Variants in TUT7 observed in about 807,000 individuals in gnomAD.
The protein encoded by TUT7 is terminal uridylyltransferase 7.
TUT7 carries 33 observed loss-of-function variants against 165.9 expected under a neutral mutation model. The ratio of observed to expected loss-of-function variants is 0.20; its 90% CI spans 0.15 to 0.27. The LOEUF (loss-of-function observed/expected upper bound fraction) is 0.27, where lower values mean the gene tolerates loss of function less well. Ranked by LOEUF, TUT7 falls within the 10% of genes least tolerant of loss-of-function variation. The pLI is 1.00. For synonymous variants in TUT7, 552 were observed against 608.1 expected (o/e 0.91, Z 1.36); for missense variants, 1,338 against 1,762.3 (o/e 0.76, Z 4.31).
chr9:86,344,252 T>C (rs1466562638), intron 5 of TUT7, among the ~76,000 whole-genome samples: 3 of 152,144 alleles, frequency 2.0e-5, no homozygotes, highest in Non-Finnish European at 2.9e-5. Context: ...ACAGCAAGAA[T>C]TGAGAATGAT....
At chr9:86,319,547 C>T (rs1309322878) in intron 15 of TUT7, 37 bp downstream of exon 15, 4 of 1,399,560 alleles carry the variant, frequency 2.9e-6, no homozygotes, top group African/African-American at 1.5e-5. Context: ...AAAAAGGTTA[C>T]ACTACTTTTC....
intron 17 of TUT7, among the ~76,000 whole-genome samples, chr9:86,312,240 G>A (rs528249600): frequency 4.8e-4 from 70 of 145,164 alleles, no homozygotes; most frequent in African/African-American, 1.6e-3. Flanking sequence ...GCCACCCATC[G>A]TCTGAGATGT....
At chr9:86,337,645 C>T (rs768707090) in intron 9 of TUT7, 107 bp from the exon 10 acceptor site, 14 of 1,310,388 alleles carry the variant, frequency 1.1e-5, no homozygotes, top group Non-Finnish European at 1.4e-5. Flanking sequence ...ACATGATTTA[C>T]GGTAATTCTT....
At position 86,309,992 on chromosome 9, in the gene TUT7, G is replaced by A; in HGVS notation, c.3404C>T (p.Ser1135Phe). Residue 1135 changes from serine to phenylalanine, a missense_variant, in exon 19 of 27, where the codon TCT (serine) becomes TTT (phenylalanine). By Grantham distance (155) the Ser-to-Phe change is radical. Around this residue, in one of 7 missense-constraint regions of TUT7, gnomAD observed 157 missense variants for 357.5 expected, o/e 0.44. Coordinates refer to ENST00000375963, the MANE Select transcript of TUT7 (RefSeq NM_024617.4). ...TCTGGGATCAATGGCGGAATAAGCA[G>A]ATAAAAGCCTTGTGTTATGAAGGGC... The part of the protein sequence containing the change: ...TLALHNTRLL[S>F]AYSAIDPRVK... 1 of 1,613,220 alleles carries A rather than the reference G, an allele frequency of 6.2e-7. No homozygotes were observed. The highest frequency in any genetic ancestry group is 8.5e-7 in the Non-Finnish European group (1 of 1,179,586).
chr9:86,338,247 T>C (rs1263302507), intron 9 of TUT7, among the ~76,000 whole-genome samples: 1 of 150,494 alleles, frequency 6.6e-6, no homozygotes, highest in Non-Finnish European at 1.5e-5. Context: ...AGTCTTGCTC[T>C]GTCACCCAGG....
At chr9:86,347,719 C>T (rs1022553985) in intron 2 of TUT7, among the ~76,000 whole-genome samples, 14 of 152,004 alleles carry the variant, frequency 9.2e-5, no homozygotes, top group African/African-American at 3.4e-4. Flanking sequence ...TTTAAAAAAT[C>T]AATCAAAATA....
intron 26 of TUT7, among the ~76,000 whole-genome samples, chr9:86,292,714 C>T (rs1440322580): frequency 6.6e-6 from 1 of 151,572 alleles, no homozygotes; most frequent in African/African-American, 2.4e-5. Flanking sequence ...TTCGAGGTTG[C>T]AGTGAGCTAT....
At chr9:86,348,699 TC>T (rs1484012395) in intron 2 of TUT7, among the ~76,000 whole-genome samples, 1 of 151,760 alleles carries the variant, frequency 6.6e-6, no homozygotes, top group Non-Finnish European at 1.5e-5. Flanking sequence ...CTGTGGTGAG[TC>T]ATGATTGCGC....
intron 15 of TUT7, among the ~76,000 whole-genome samples, 172 bp downstream of exon 15, chr9:86,319,412 C>A (rs1035686756): frequency 1.3e-5 from 2 of 152,268 alleles, no homozygotes; most frequent in Middle Eastern, 3.4e-3. Context: ...CTAGAATAAA[C>A]CCTACACTGT....
chr9:86,328,344 C>A lies in TUT7; in HGVS notation c.1604G>T (p.Gly535Val). The part of the protein sequence containing the change: ...EAPRETPIKR[G>V]QVSLILDVKH... ...TAGAAACAAAAGAGAACAGACCTGT[C>A]CCCTTTTAATCGGCGTTTCTCTTGG... The change falls in exon 11 of 27, where the codon GGA becomes GTA. Residue 535 changes from glycine (G) to valine (V), a missense_variant. Physicochemically the swap from Gly to Val is moderately radical, Grantham distance 109. This residue lies in a region of TUT7 where 53 missense variants were observed against 46.3 expected (regional missense o/e 1.15). Transcript: ENST00000375963. The A allele has an allele frequency of 6.2e-7, 1 of 1,600,940 alleles. No individual in the cohort carries two copies. Among genetic ancestry groups the A allele is most frequent in the Non-Finnish European group, 8.5e-7 (1 of 1,174,782 alleles).
intron 7 of TUT7, among the ~76,000 whole-genome samples, chr9:86,340,413 A>G (rs1191263997): frequency 6.6e-6 from 1 of 152,242 alleles, no homozygotes; most frequent in African/African-American, 2.4e-5. Flanking sequence ...TTAAAAACAA[A>G]GTTGCTGTAA....
chr9:86,298,649 A>G (rs1461996105), intron 26 of TUT7: 2 of 346,598 alleles, frequency 5.8e-6, no homozygotes, highest in Admixed American at 1.3e-4. Context: ...CCCCCAAGTG[A>G]TTCTGATGTC....
At chr9:86,307,134 G>A (rs369725118) in intron 22 of TUT7, among the ~76,000 whole-genome samples, 4 of 152,024 alleles carry the variant, frequency 2.6e-5, no homozygotes, top group African/African-American at 7.2e-5. Flanking sequence ...TTAGCCAGGC[G>A]TGGTGGCACG....
chr9:86,289,453 G>A (rs1825749838), intron 26 of TUT7, among the ~76,000 whole-genome samples: 1 of 152,062 alleles, frequency 6.6e-6, no homozygotes, highest in Non-Finnish European at 1.5e-5. Context: ...AATTTTGGAG[G>A]GGAAGAAAGG....
intron 11 of TUT7, among the ~76,000 whole-genome samples, chr9:86,326,909 A>G (rs1286498339): frequency 6.6e-6 from 1 of 152,256 alleles, no homozygotes; most frequent in Non-Finnish European, 1.5e-5. Flanking sequence ...ATGGATTTAC[A>G]GCAATAGCTT....
intron 2 of TUT7, among the ~76,000 whole-genome samples, chr9:86,346,744 T>A (rs1831804439): frequency 6.6e-6 from 1 of 152,206 alleles, no homozygotes; most frequent in South Asian, 2.1e-4. Flanking sequence ...ATTTTTATTA[T>A]CTCTTCCTGG....
intron 2 of TUT7, among the ~76,000 whole-genome samples, chr9:86,351,858 A>AT (rs1209453960): frequency 6.6e-6 from 1 of 152,142 alleles, no homozygotes; most frequent in African/African-American, 2.4e-5. Flanking sequence ...ATATTGTTTC[A>AT]TTTTTTCCAT....
chr9:86,340,614 T>C (rs778517460), intron 7 of TUT7, among the ~76,000 whole-genome samples: 1 of 152,260 alleles, frequency 6.6e-6, no homozygotes, highest in South Asian at 2.1e-4. Flanking sequence ...GGCACCACTC[T>C]GTGGATTCAT....
At chr9:86,322,800 T>C (rs2131435988) in intron 13 of TUT7, 73 bp downstream of exon 13, 4 of 1,475,986 alleles carry the variant, frequency 2.7e-6, no homozygotes, top group East Asian at 4.6e-5. Flanking sequence ...TCCTAGTATA[T>C]AAAAATTGAA....
Sources: allele counts gnomAD v4.1 joint callset (sites outside exome capture counted in the v4.1 genomes callset), GRCh38; gene constraint gnomAD v4.1.1; regional missense constraint gnomAD v4.1.1; transcripts MANE v1.5; gene names NCBI Gene and HGNC (gene_info 2026-07-23, HGNC 2026-07-21).